Variants in MRAP2 observed in about 807,000 individuals in gnomAD.
MRAP2 encodes the protein melanocortin-2 receptor accessory protein 2.
In MRAP2, 20 loss-of-function variants were observed where a neutral mutation model predicts 17.4. That is an observed-to-expected ratio of 1.15 (90% confidence interval 0.81 to 1.67). The LOEUF (loss-of-function observed/expected upper bound fraction) is 1.67. MRAP2 is among the 40% of genes most tolerant of loss of function. The pLI, the probability that MRAP2 is intolerant of heterozygous loss-of-function variation, is 0.00. For synonymous variants in MRAP2, 96 were observed against 88.4 expected (o/e 1.09, Z -0.48); for missense variants, 238 against 240.0 (o/e 0.99, Z 0.05).
the MRAP2 span, among the ~76,000 whole-genome samples, chr6:84,135,472 C>T: frequency 6.6e-6 from 1 of 152,192 alleles, no homozygotes; most frequent in South Asian, 2.1e-4. Context: ...CCAGAGAAGA[C>T]ATTTGTCTTT....
At chr6:84,035,308 C>A in intron 1 of MRAP2, 2 of 467,622 alleles carry the variant, frequency 4.3e-6, no homozygotes, top group African/African-American at 2.1e-5. Flanking sequence ...AAGAGGGAAA[C>A]ATTGAATCCT....
chr6:84,126,471 G>T, the MRAP2 span: 1 of 1,569,518 alleles, frequency 6.4e-7, no homozygotes, highest in South Asian at 1.2e-5. Context: ...CTGGTGTATG[G>T]TTTTCTTTGG....
chr6:84,096,634 A>G, the MRAP2 span, among the ~76,000 whole-genome samples: 1 of 152,218 alleles, frequency 6.6e-6, no homozygotes, highest in South Asian at 2.1e-4. Context: ...TAGGTGAGCT[A>G]TAAGAAGGGG....
intron 1 of MRAP2, among the ~76,000 whole-genome samples, chr6:84,037,897 G>A (rs890846095): frequency 6.6e-6 from 1 of 152,326 alleles, no homozygotes; most frequent in African/African-American, 2.4e-5. Context: ...CCACAGTGCA[G>A]CGGTGTGCTG....
chr6:84,058,239 C>A (rs181112236), intron 2 of MRAP2, among the ~76,000 whole-genome samples: 2 of 152,296 alleles, frequency 1.3e-5, no homozygotes, highest in African/African-American at 4.8e-5. Context: ...AGGCTTTTGC[C>A]ATAGTCCAGG....
In MRAP2 at chr6:84,055,609, G is replaced by A. The variant is rs1408783355; in HGVS notation, c.127+164G>A. ...TCTCGCCTCCACACATAGGCTGATT[G>A]CTCAGGAATGGTACAGGAGGGCCTT... On this transcript the variant is annotated intron_variant, in intron 2 of 3. Transcript: ENST00000257776. Among the ~76,000 whole-genome samples the A allele has an allele frequency of 2.0e-5, 3 of 152,126 alleles. No homozygotes were observed. The East Asian group carries it at 5.8e-4, about 29-fold the overall frequency.
the MRAP2 span, among the ~76,000 whole-genome samples, chr6:84,134,999 GCATA>G: frequency 1.3e-5 from 2 of 150,290 alleles, no homozygotes; most frequent in African/African-American, 4.9e-5. Context: ...TCATATGCAT[GCATA>G]CATACATACA....
At chr6:84,037,811 C>T (rs1229649465) in intron 1 of MRAP2, among the ~76,000 whole-genome samples, 1 of 152,060 alleles carries the variant, frequency 6.6e-6, no homozygotes, top group Non-Finnish European at 1.5e-5. Context: ...CGGGTTCCTG[C>T]CCCTCTCTCT....
downstream of MRAP2, among the ~76,000 whole-genome samples, chr6:84,092,916 C>A (rs2099502013): frequency 6.6e-6 from 1 of 152,140 alleles, no homozygotes; most frequent in Non-Finnish European, 1.5e-5. Context: ...AATCATCAGT[C>A]CCCAAAATAA....
chr6:84,052,161 G>T (rs1426849868), intron 1 of MRAP2, among the ~76,000 whole-genome samples: 1 of 152,164 alleles, frequency 6.6e-6, no homozygotes, highest in African/African-American at 2.4e-5. Flanking sequence ...GAAGAAATCT[G>T]ACATTAAGAA....
chr6:84,057,604 G>T (rs1280000429), intron 2 of MRAP2, among the ~76,000 whole-genome samples: 2 of 152,108 alleles, frequency 1.3e-5, no homozygotes, highest in African/African-American at 4.8e-5. Context: ...CAACAAAGTG[G>T]AAACCTATTT....
In MRAP2 at chr6:84,073,282, T is replaced by G. The variant is rs749042020; in HGVS notation, c.227+10290T>G. Among the ~76,000 whole-genome samples the G allele has an allele frequency of 2.6e-5, 4 of 152,164 alleles. No individual in the cohort carries two copies. The East Asian group carries it at 7.7e-4, about 29-fold the overall frequency. On this transcript the variant is annotated intron_variant, in intron 3 of 3. Coordinates refer to ENST00000257776, the MANE Select transcript of MRAP2 (RefSeq NM_138409.4). The stretch of plus-strand genomic sequence containing the variant: ...TTCTTCTTCTTCCTCTACCCCTGTA[T>G]TTCACTCGGCTCTCTAAATTGACTC...
chr6:84,116,957 C>A, the MRAP2 span, among the ~76,000 whole-genome samples: 692 of 151,810 alleles, frequency 4.6e-3, 8 homozygotes, highest in African/African-American at 0.016. Flanking sequence ...CCTTCCCTTC[C>A]CTTCCCTTCT....
At chr6:84,059,532 G>T (rs1198675768) in intron 2 of MRAP2, among the ~76,000 whole-genome samples, 1 of 152,200 alleles carries the variant, frequency 6.6e-6, no homozygotes, top group African/African-American at 2.4e-5. Flanking sequence ...AGGAGGGTGA[G>T]TCGGATGGAG....
At chr6:84,137,823 T>TA in the MRAP2 span, among the ~76,000 whole-genome samples, 340 of 152,196 alleles carry the variant, frequency 2.2e-3, no homozygotes, top group African/African-American at 7.6e-3. Context: ...TCTAGAGTCT[T>TA]AAAAAAACCC....
the MRAP2 span, among the ~76,000 whole-genome samples, chr6:84,134,531 T>C: frequency 3.1e-4 from 47 of 152,264 alleles, no homozygotes; most frequent in East Asian, 7.7e-3. Context: ...GGGAAAAGCA[T>C]AGTAACTGGG....
At chr6:84,132,993 A>G in the MRAP2 span, among the ~76,000 whole-genome samples, 5 of 151,990 alleles carry the variant, frequency 3.3e-5, no homozygotes, top group African/African-American at 9.7e-5. Context: ...TTGTGGTTTT[A>G]TCTACCTTTG....
chr6:84,082,167 C>T (rs751806739), intron 3 of MRAP2, among the ~76,000 whole-genome samples: 5 of 152,066 alleles, frequency 3.3e-5, no homozygotes, highest in Non-Finnish European at 5.9e-5. Context: ...TTTAGTAATT[C>T]TATGGTAGAG....
intron 1 of MRAP2, among the ~76,000 whole-genome samples, chr6:84,042,288 C>A (rs1406023156): frequency 6.6e-6 from 1 of 152,146 alleles, no homozygotes; most frequent in African/African-American, 2.4e-5. Flanking sequence ...AACCTCTTTT[C>A]TTTATAAATT....
Sources: gnomAD v4.1 joint callset for allele counts (sites outside exome capture counted in the v4.1 genomes callset) on GRCh38, gnomAD v4.1.1 for gene constraint, MANE v1.5 for transcripts, NCBI Gene and HGNC (gene_info 2026-07-23, HGNC 2026-07-21) for gene names.